XIRP2: variants seen among roughly 807,000 people sequenced by gnomAD.
XIRP2 encodes xin actin binding repeat containing 2.
In XIRP2, 236 loss-of-function variants were observed where a neutral mutation model predicts 277.0. That is an observed-to-expected ratio of 0.85 (90% confidence interval 0.77 to 0.95). The LOEUF is 0.95. XIRP2 is among the 40% of genes least tolerant of loss of function. The pLI, the probability that XIRP2 is intolerant of heterozygous loss-of-function variation, is 0.00. For synonymous variants in XIRP2, 1,490 were observed against 1,416.5 expected (o/e 1.05, Z -1.17); for missense variants, 4,640 against 4,157.5 (o/e 1.12, Z -3.19).
chr2:167,028,910 A>T (rs1269525505), intron 2 of XIRP2, among the ~76,000 whole-genome samples: 1 of 151,898 alleles, frequency 6.6e-6, no homozygotes, highest in East Asian at 1.9e-4. Flanking sequence ...AAGCTGAAAA[A>T]TTTAATTGAC....
intron 2 of XIRP2, among the ~76,000 whole-genome samples, chr2:166,909,519 G>A (rs1292287931): frequency 3.3e-5 from 5 of 152,192 alleles, no homozygotes; most frequent in African/African-American, 1.2e-4. Flanking sequence ...ATTTTGGGCT[G>A]AGACAGTGGG....
At position 167,258,195 on chromosome 2, in the gene XIRP2, T is replaced by C; in HGVS notation, c.*378T>C. 1.9e-6 allele frequency: 3 copies of C among 1,613,062 alleles called. No individual in the cohort carries two copies. Among genetic ancestry groups the C allele is most frequent in the Non-Finnish European group, 2.5e-6 (3 of 1,179,566 alleles). On this transcript the variant is annotated 3_prime_UTR_variant, in exon 11 of 11. Coordinates refer to ENST00000409195, the MANE Select transcript of XIRP2 (RefSeq NM_152381.6). ...TCCAAGGAGATCCCTAAGAAAACCT[T>C]ACCCTTTGAGGAAGAGCTCAAAATG...
chr2:167,131,552 T>C (rs1362178981), intron 2 of XIRP2, among the ~76,000 whole-genome samples: 1 of 152,198 alleles, frequency 6.6e-6, no homozygotes, highest in Non-Finnish European at 1.5e-5. Context: ...TTGACATCCA[T>C]GTTGCTCAAC....
chr2:167,113,285 T>C (rs1187833968), intron 2 of XIRP2, among the ~76,000 whole-genome samples: 1 of 152,166 alleles, frequency 6.6e-6, no homozygotes, highest in Non-Finnish European at 1.5e-5. Context: ...GGAATCTAAA[T>C]CTCTTATAGG....
intron 3 of XIRP2, among the ~76,000 whole-genome samples, chr2:167,200,734 T>A (rs1005723927): frequency 6.6e-6 from 1 of 152,110 alleles, no homozygotes; most frequent in Non-Finnish European, 1.5e-5. Flanking sequence ...ACTATAATGG[T>A]GATTAATTTG....
intron 3 of XIRP2, among the ~76,000 whole-genome samples, chr2:167,163,716 G>C (rs1449219407): frequency 6.6e-6 from 1 of 152,072 alleles, no homozygotes; most frequent in Non-Finnish European, 1.5e-5. Context: ...TATGATCTCT[G>C]AACCTCTTTC....
At chr2:167,255,934 T>A (rs1274704036) in intron 10 of XIRP2, among the ~76,000 whole-genome samples, 1 of 151,928 alleles carries the variant, frequency 6.6e-6, no homozygotes, top group Admixed American at 6.6e-5. Context: ...CTTTGATACA[T>A]TATTTTATTT....
intron 2 of XIRP2, among the ~76,000 whole-genome samples, chr2:167,020,334 A>G (rs1241637420): frequency 1.3e-5 from 2 of 152,032 alleles, no homozygotes; most frequent in African/African-American, 2.4e-5. Context: ...TTCAAATAAT[A>G]GTGAAACAAA....
chr2:167,210,877 C>T lies in XIRP2; in HGVS notation c.705C>T (p.Cys235=), dbSNP rs748748274. The change falls in exon 4 of 11, where the codon TGC becomes TGT. Residue 235 remains cysteine, a synonymous_variant. Coordinates refer to ENST00000409195, the MANE Select transcript of XIRP2 (RefSeq NM_152381.6). The stretch of plus-strand genomic sequence containing the variant: ...AGGCAGCTGTTTCCAGGGGTGACTG[C>T]CGCAGCTTCTCTGCTAATGTAAGCT... ...RYQAAVSRGD[C]RSFSANMMEE... is the part of the protein sequence containing the mutation. 5.0e-6 allele frequency: 8 copies of T among 1,614,082 alleles called. No individual in the cohort carries two copies. Among genetic ancestry groups the T allele is most frequent in the Admixed American group, 1.7e-5 (1 of 60,024 alleles).
intron 1 of XIRP2, among the ~76,000 whole-genome samples, chr2:166,893,855 TG>T (rs1684174051): frequency 6.6e-6 from 1 of 152,124 alleles, no homozygotes. Context: ...AGTAGAGAAA[TG>T]TACCAAAACA....
rs535651110 is a variant in XIRP2 at position 167,240,952 on chromosome 2, A to G, written c.1042+216A>G. On this transcript the variant is annotated intron_variant, in intron 7 of 10. Coordinates refer to ENST00000409195, the MANE Select transcript of XIRP2 (RefSeq NM_152381.6). ...TTTCTAAAATAGTTTATTGGCCATC[A>G]GTCCTATGATATATCCATTCTAAAC... Among the ~76,000 whole-genome samples the G allele has an allele frequency of 2.6e-5, 4 of 152,350 alleles. No individual in the cohort carries two copies. The South Asian group carries it at 8.3e-4, about 32-fold the overall frequency.
Position 167,045,763 on chromosome 2 carries a change from A to G in XIRP2, c.409-90146A>G, listed in dbSNP as rs190766374. Among the ~76,000 whole-genome samples, 2 of 152,168 alleles carry G rather than the reference A, an allele frequency of 1.3e-5. 1 individual carries two copies. Among genetic ancestry groups the G allele is most frequent in the East Asian group, 3.9e-4 (2 of 5,180 alleles). ...TCGGCAAGGAGAAAATGGAAGACTTATACACTGCTGGTAGGAAGGTAAATT... is the reference window on the plus strand; with the variant it reads ...TCGGCAAGGAGAAAATGGAAGACTTGTACACTGCTGGTAGGAAGGTAAATT... On this transcript the variant is annotated intron_variant, in intron 2 of 10. Transcript: ENST00000409195.
chr2:166,997,770 T>C (rs1387789429), intron 2 of XIRP2, among the ~76,000 whole-genome samples: 1 of 151,908 alleles, frequency 6.6e-6, no homozygotes, highest in East Asian at 1.9e-4. Context: ...CCAAGCATGG[T>C]GGCGGGCACC....
At chr2:167,082,951 G>C (rs1374821590) in intron 2 of XIRP2, among the ~76,000 whole-genome samples, 1 of 152,160 alleles carries the variant, frequency 6.6e-6, no homozygotes, top group Non-Finnish European at 1.5e-5. Context: ...AGTTTAATTA[G>C]ATCCCGTTTG....
At chr2:167,093,705 C>T (rs2105278064) in intron 2 of XIRP2, among the ~76,000 whole-genome samples, 1 of 152,186 alleles carries the variant, frequency 6.6e-6, no homozygotes, top group South Asian at 2.1e-4. Context: ...TTTTCTTTAT[C>T]CTGTCTAACA....
chr2:167,110,949 C>A (rs754479469), intron 2 of XIRP2, among the ~76,000 whole-genome samples: 29 of 152,200 alleles, frequency 1.9e-4, no homozygotes, highest in Admixed American at 1.0e-3. Context: ...AATAGGATTG[C>A]ATTCCTGATT....
At chr2:166,927,200 G>T (rs1226145692) in intron 2 of XIRP2, among the ~76,000 whole-genome samples, 2 of 152,058 alleles carry the variant, frequency 1.3e-5, no homozygotes, top group African/African-American at 4.8e-5. Flanking sequence ...AAATACCAGG[G>T]AAAGACAATG....
chr2:167,072,158 T>C (rs1279217431), intron 2 of XIRP2, among the ~76,000 whole-genome samples: 1 of 152,166 alleles, frequency 6.6e-6, no homozygotes, highest in Admixed American at 6.5e-5. Flanking sequence ...AGTGTGTGTG[T>C]GGTATGATTG....
At chr2:167,228,974 GT>G (rs1036896791) in intron 5 of XIRP2, among the ~76,000 whole-genome samples, 7 of 152,056 alleles carry the variant, frequency 4.6e-5, no homozygotes, top group African/African-American at 1.4e-4. Context: ...ATAAATTGGG[GT>G]TGCTTTGGGG....
Sources: gnomAD v4.1 joint callset for allele counts (sites outside exome capture counted in the v4.1 genomes callset) on GRCh38, gnomAD v4.1.1 for gene constraint, MANE v1.5 for transcripts, NCBI Gene and HGNC (gene_info 2026-07-23, HGNC 2026-07-21) for gene names.